Variants in GRIK2 observed in about 807,000 individuals in gnomAD.
GRIK2 encodes glutamate receptor ionotropic, kainate 2.
Under a neutral mutation model 100.3 loss-of-function variants are expected in GRIK2, and 32 were observed. The ratio of observed to expected loss-of-function variants is 0.32; its 90% CI spans 0.24 to 0.43. The LOEUF (loss-of-function observed/expected upper bound fraction) is 0.43, where lower values mean the gene tolerates loss of function less well. Among genes scored for constraint, GRIK2 ranks in the 20% least tolerant of loss-of-function variants. The pLI, the probability that GRIK2 is intolerant of heterozygous loss-of-function variation, is 1.00. For synonymous variants in GRIK2, 417 were observed against 389.4 expected (o/e 1.07, Z -0.83); for missense variants, 843 against 1,114.9 (o/e 0.76, Z 3.47).
At chr6:101,425,046 T>G (rs953776486) in intron 2 of GRIK2, among the ~76,000 whole-genome samples, 1 of 152,136 alleles carries the variant, frequency 6.6e-6, no homozygotes, top group Non-Finnish European at 1.5e-5. Flanking sequence ...GTGCCACATT[T>G]TCTTCATCCA....
chr6:101,672,573 GT>G (rs139334138), intron 4 of GRIK2, among the ~76,000 whole-genome samples: 214 of 150,614 alleles, frequency 1.4e-3, no homozygotes, highest in Middle Eastern at 3.5e-3. Flanking sequence ...ATTTTTATGT[GT>G]TTTTTTTTCC....
At chr6:102,026,111 CATAT>C (rs6149730) in intron 14 of GRIK2, among the ~76,000 whole-genome samples, 5,090 of 98,946 alleles carry the variant, frequency 0.051, 97 homozygotes, top group African/African-American at 0.075. Context: ...TATACACTTA[CATAT>C]ATATATATAT....
intron 6 of GRIK2, among the ~76,000 whole-genome samples, chr6:101,683,814 A>G (rs905201599): frequency 5.3e-5 from 8 of 152,112 alleles, no homozygotes; most frequent in Admixed American, 2.0e-4. Context: ...GTCTCTTCTG[A>G]TTATCTTAAA....
chr6:101,802,454 T>A lies in GRIK2; in HGVS notation c.1203+16T>A. 3 of 1,140,024 alleles carry A rather than the reference T, an allele frequency of 2.6e-6. No homozygotes were observed. The highest frequency in any genetic ancestry group is 3.8e-6 in the Non-Finnish European group (3 of 781,358). 70.6% of individuals were successfully genotyped at this position (1,140,024 alleles called of 1,614,324 possible). Reference sequence around the variant, plus strand: ...TCTAGAAAAGGTATTTCAGTGAGCTTATTTGCTTTAATTACTAAATGAAAC... The same window carrying A: ...TCTAGAAAAGGTATTTCAGTGAGCTAATTTGCTTTAATTACTAAATGAAAC... On this transcript the variant is annotated intron_variant, in intron 9 of 16. Transcript: ENST00000369134.
chr6:101,495,069 A>G (rs1441164336), intron 2 of GRIK2, among the ~76,000 whole-genome samples: 1 of 146,984 alleles, frequency 6.8e-6, no homozygotes, highest in Non-Finnish European at 1.5e-5. Context: ...GACTTTTTCC[A>G]TTATATCAAT....
At chr6:101,803,255 C>A (rs925195837) in intron 9 of GRIK2, among the ~76,000 whole-genome samples, 1 of 151,770 alleles carries the variant, frequency 6.6e-6, no homozygotes, top group Non-Finnish European at 1.5e-5. Context: ...TATTTCTAGA[C>A]AGAAACTGAA....
chr6:101,765,463 A>T (rs1471101573), intron 7 of GRIK2, among the ~76,000 whole-genome samples: 1 of 151,822 alleles, frequency 6.6e-6, no homozygotes, highest in Admixed American at 6.6e-5. Flanking sequence ...AATAACAATG[A>T]TAATGGCTAT....
chr6:101,801,845 T>G (rs1035230126), intron 8 of GRIK2, among the ~76,000 whole-genome samples: 2 of 151,870 alleles, frequency 1.3e-5, no homozygotes, highest in African/African-American at 4.8e-5. Context: ...AGTGGAAAGC[T>G]AGGGGGAATG....
intron 6 of GRIK2, among the ~76,000 whole-genome samples, chr6:101,685,551 G>A (rs1472149055): frequency 1.3e-5 from 2 of 152,106 alleles, no homozygotes; most frequent in South Asian, 2.1e-4. Flanking sequence ...GAGCAAGAAA[G>A]TTCACTATAT....
intron 7 of GRIK2, among the ~76,000 whole-genome samples, chr6:101,753,807 C>T (rs1357818632): frequency 6.6e-6 from 1 of 151,794 alleles, no homozygotes; most frequent in African/African-American, 2.4e-5. Context: ...ATATTTGTAG[C>T]ATAGAATATA....
chr6:101,920,156 T>C (rs887903730), intron 12 of GRIK2, among the ~76,000 whole-genome samples: 4 of 151,916 alleles, frequency 2.6e-5, no homozygotes, highest in East Asian at 1.9e-4. Flanking sequence ...CTCTTCATTT[T>C]ATAAATATGG....
Position 101,425,476 on chromosome 6 carries a change from C to G in GRIK2, c.115+26084C>G, listed in dbSNP as rs562757904. Among the ~76,000 whole-genome samples the G allele has an allele frequency of 1.6e-4, 24 of 152,246 alleles. No homozygotes were observed. In the South Asian group the frequency reaches 5.0e-3, roughly 32 times the overall value. The stretch of plus-strand genomic sequence containing the variant: ...GAGAGTAAGACATCACTCACAAGAG[C>G]AACTTCACACAACTGCTGATAGTAT... On this transcript the variant is annotated intron_variant, in intron 2 of 16. Transcript: ENST00000369134.
intron 2 of GRIK2, among the ~76,000 whole-genome samples, chr6:101,603,560 A>G (rs1166850203): frequency 6.6e-6 from 1 of 151,724 alleles, no homozygotes; most frequent in Non-Finnish European, 1.5e-5. Flanking sequence ...AAGTCTGAAT[A>G]TAATTTTATG....
At chr6:101,737,844 T>C (rs1315501393) in intron 7 of GRIK2, among the ~76,000 whole-genome samples, 1 of 152,150 alleles carries the variant, frequency 6.6e-6, no homozygotes, top group Non-Finnish European at 1.5e-5. Context: ...AAGAGAATGG[T>C]GCATTGTGAA....
chr6:101,980,363 A>G (rs1793641203), intron 14 of GRIK2, among the ~76,000 whole-genome samples: 1 of 151,976 alleles, frequency 6.6e-6, no homozygotes, highest in Non-Finnish European at 1.5e-5. Context: ...TGAGGGAAGC[A>G]ATATTTTAGA....
intron 2 of GRIK2, among the ~76,000 whole-genome samples, chr6:101,441,650 G>A (rs961618748): frequency 6.6e-6 from 1 of 152,006 alleles, no homozygotes; most frequent in African/African-American, 2.4e-5. Flanking sequence ...TCAACTGTTA[G>A]TTTAGGTTCC....
intron 2 of GRIK2, among the ~76,000 whole-genome samples, chr6:101,455,449 G>A (rs556367438): frequency 6.6e-6 from 1 of 151,922 alleles, no homozygotes; most frequent in Admixed American, 6.6e-5. Flanking sequence ...TTATTTTCTA[G>A]TTTCCTCAAT....
intron 14 of GRIK2, among the ~76,000 whole-genome samples, chr6:101,945,910 G>GTT (rs66532199): frequency 0.057 from 7,469 of 131,306 alleles, 430 homozygotes; most frequent in African/African-American, 0.15. Context: ...TCTATCTACT[G>GTT]TTTTTTTTTT....
At chr6:101,753,282 CAA>C (rs774187168) in intron 7 of GRIK2, among the ~76,000 whole-genome samples, 7 of 70,894 alleles carry the variant, frequency 9.9e-5, no homozygotes, top group Non-Finnish European at 1.4e-4. Context: ...GACTCCGTCT[CAA>C]AAAAAAAAAA....
Sources: allele counts gnomAD v4.1 joint callset (sites outside exome capture counted in the v4.1 genomes callset), GRCh38; gene constraint gnomAD v4.1.1; transcripts MANE v1.5; gene names NCBI Gene and HGNC (gene_info 2026-07-23, HGNC 2026-07-21).